GALNT17: variants seen among roughly 807,000 people sequenced by gnomAD.
GALNT17 encodes UDP-GalNAc:polypeptide N-acetylgalactosaminyltransferase-like 3.
A neutral mutation model predicts 63.7 loss-of-function variants in GALNT17; 29 were observed. The observed-to-expected ratio is 0.46, with a 90% CI of 0.34 to 0.62. GALNT17 has a LOEUF of 0.62. Among genes scored for constraint, GALNT17 ranks in the 20% least tolerant of loss-of-function variants. The pLI, the probability that GALNT17 is intolerant of heterozygous loss-of-function variation, is 0.01. For missense variants in GALNT17, 603 were observed against 799.6 expected (o/e 0.75, Z 2.97); for synonymous variants, 305 against 318.3 (o/e 0.96, Z 0.45).
chr7:71,425,896 T>C (rs1048698480), intron 5 of GALNT17, among the ~76,000 whole-genome samples: 1 of 152,134 alleles, frequency 6.6e-6, no homozygotes, highest in Non-Finnish European at 1.5e-5. Flanking sequence ...GCATGGAGGC[T>C]TCTGCGTCTG....
At chr7:71,234,188 C>G (rs560455206) in intron 1 of GALNT17, among the ~76,000 whole-genome samples, 3 of 152,288 alleles carry the variant, frequency 2.0e-5, no homozygotes, top group Admixed American at 2.0e-4. Context: ...AATCGGAGAG[C>G]TATCCTGTCA....
chr7:71,562,864 C>T (rs1789278323), intron 5 of GALNT17, among the ~76,000 whole-genome samples: 1 of 152,090 alleles, frequency 6.6e-6, no homozygotes, highest in Non-Finnish European at 1.5e-5. Context: ...CAAGGAAGAA[C>T]TTGTACTTAA....
intron 6 of GALNT17, 133 bp from the exon 7 acceptor site, chr7:71,665,278 C>G (rs939495297): frequency 1.4e-5 from 13 of 955,102 alleles, no homozygotes; most frequent in Middle Eastern, 3.4e-4. Context: ...TGCACAACCT[C>G]TCATTGGCTT....
intron 1 of GALNT17, among the ~76,000 whole-genome samples, chr7:71,227,893 T>C (rs12333555): frequency 0.24 from 36,722 of 151,886 alleles, 8,528 homozygotes; most frequent in African/African-American, 0.6. Context: ...ATTCTGCCGG[T>C]CGTGGCATGC....
intron 6 of GALNT17, among the ~76,000 whole-genome samples, chr7:71,628,361 C>T (rs111450069): frequency 1.3e-5 from 2 of 152,090 alleles, no homozygotes; most frequent in African/African-American, 4.8e-5. Context: ...TCACTTTTGT[C>T]GACCAGACTG....
chr7:71,142,012 CTGTGTG>C (rs201770661), intron 1 of GALNT17, among the ~76,000 whole-genome samples: 1,488 of 124,872 alleles, frequency 0.012, 20 homozygotes, highest in African/African-American at 0.043. Flanking sequence ...CCACATTTGG[CTGTGTG>C]TGTGTGTGTG....
chr7:71,149,815 T>G (rs1788097872), intron 1 of GALNT17, among the ~76,000 whole-genome samples: 1 of 152,252 alleles, frequency 6.6e-6, no homozygotes, highest in African/African-American at 2.4e-5. Context: ...GTTCCTTGAC[T>G]TCTGCCCCGT....
chr7:71,620,881 A>G (rs781304238), intron 6 of GALNT17, among the ~76,000 whole-genome samples: 1 of 152,142 alleles, frequency 6.6e-6, no homozygotes, highest in Admixed American at 6.5e-5. Flanking sequence ...ATAAATATCA[A>G]GTTTATTCTG....
intron 1 of GALNT17, among the ~76,000 whole-genome samples, chr7:71,230,373 G>T (rs1789765351): frequency 6.6e-6 from 1 of 152,136 alleles, no homozygotes; most frequent in Non-Finnish European, 1.5e-5. Context: ...CCCCCTCATG[G>T]GTGCAAAGAG....
intron 2 of GALNT17, among the ~76,000 whole-genome samples, chr7:71,357,567 T>C (rs925383185): frequency 6.6e-6 from 1 of 152,200 alleles, no homozygotes; most frequent in African/African-American, 2.4e-5. Flanking sequence ...CTCCCCATAC[T>C]TTTTAACTTT....
At chr7:71,152,138 T>C (rs1000438862) in intron 1 of GALNT17, among the ~76,000 whole-genome samples, 2 of 152,296 alleles carry the variant, frequency 1.3e-5, no homozygotes, top group East Asian at 3.9e-4. Context: ...GCAATTGAAC[T>C]GATTCCAGGA....
intron 5 of GALNT17, among the ~76,000 whole-genome samples, chr7:71,443,031 G>A (rs774914969): frequency 4.6e-5 from 7 of 152,148 alleles, no homozygotes; most frequent in Non-Finnish European, 2.9e-5. Flanking sequence ...GGTTTCTGTG[G>A]CGGCTGCAGG....
intron 6 of GALNT17, among the ~76,000 whole-genome samples, chr7:71,608,946 A>ATT (rs766905822): frequency 0.08 from 11,237 of 140,504 alleles, 583 homozygotes; most frequent in African/African-American, 0.15. Flanking sequence ...CTCCCAGCTA[A>ATT]TTTTTTTTTT....
At chr7:71,474,230 C>T (rs55998816) in intron 5 of GALNT17, among the ~76,000 whole-genome samples, 30,273 of 152,108 alleles carry the variant, frequency 0.2, 3,893 homozygotes, top group East Asian at 0.55. Flanking sequence ...GATGACCAGA[C>T]GTCACTTTTG....
In GALNT17 at chr7:71,323,213, A is replaced by C. The variant is rs141526889; in HGVS notation, c.239-12337A>C. Among the ~76,000 whole-genome samples the C allele has an allele frequency of 1.1e-3, 170 of 152,292 alleles. 1 individual carries two copies. In the East Asian group the frequency reaches 0.025, roughly 22 times the overall value. ...ATAAGATCATTGGGTAGAAGAAACAAAGGTACCCATTTTTGAAATTTTATT... is the reference window on the plus strand; with the variant it reads ...ATAAGATCATTGGGTAGAAGAAACACAGGTACCCATTTTTGAAATTTTATT... On this transcript the variant is annotated intron_variant, in intron 1 of 10. Coordinates refer to ENST00000333538, the MANE Select transcript of GALNT17 (RefSeq NM_022479.3).
chr7:71,652,049 A>G (rs1360726316), intron 6 of GALNT17, among the ~76,000 whole-genome samples: 1 of 152,122 alleles, frequency 6.6e-6, no homozygotes, highest in Non-Finnish European at 1.5e-5. Context: ...TATTCTTTTC[A>G]GTACATAGTA....
chr7:71,583,688 A>G (rs1426671350), intron 6 of GALNT17, among the ~76,000 whole-genome samples: 2 of 152,090 alleles, frequency 1.3e-5, no homozygotes, highest in Admixed American at 1.3e-4. Context: ...AGGCTGATCT[A>G]TGTAGAAAGC....
rs372692267 is a variant in GALNT17 at position 71,536,841 on chromosome 7, C to T, written c.963-34444C>T. The stretch of plus-strand genomic sequence containing the variant: ...AAAAGGTTAAGTGATGGCAAATGCC[C>T]GGCAAGATCTGAACTTGGAAGATCA... On this transcript the variant is annotated intron_variant, in intron 5 of 10. Coordinates refer to ENST00000333538, the MANE Select transcript of GALNT17 (RefSeq NM_022479.3). Among the ~76,000 whole-genome samples the T allele has an allele frequency of 1.3e-3, 192 of 152,286 alleles. 2 individuals carry two copies. In the South Asian group the frequency reaches 0.034, roughly 27 times the overall value.
chr7:71,133,164 CCTT>C (rs1197868240), intron 1 of GALNT17, 124 bp downstream of exon 1: 2 of 787,906 alleles, frequency 2.5e-6, no homozygotes, highest in Non-Finnish European at 3.8e-6. Context: ...CCCGCGCGCT[CCTT>C]CTTACCCTTC....
Sources: gnomAD v4.1 joint callset for allele counts (sites outside exome capture counted in the v4.1 genomes callset) on GRCh38, gnomAD v4.1.1 for gene constraint, MANE v1.5 for transcripts, NCBI Gene and HGNC (gene_info 2026-07-23, HGNC 2026-07-21) for gene names.